Variants in ARL5A observed in about 807,000 individuals in gnomAD.
ARL5A encodes ADP-ribosylation factor-like protein 5A.
ARL5A carries 18 observed loss-of-function variants against 25.9 expected under a neutral mutation model. The observed-to-expected ratio is 0.69, with a 90% CI of 0.48 to 1.03. The LOEUF is 1.03. ARL5A is among the 50% of genes least tolerant of loss of function. The probability of loss-of-function intolerance (pLI) is 0.00; values close to 1 mark genes in which losing one functional copy is unlikely to be tolerated. For synonymous variants in ARL5A, 61 were observed against 67.5 expected (o/e 0.90, Z 0.47); for missense variants, 170 against 211.9 (o/e 0.80, Z 1.23).
intron 4 of ARL5A, chr2:151,810,395 T>C (rs540487046): frequency 4.2e-6 from 1 of 236,454 alleles, no homozygotes; most frequent in East Asian, 1.2e-4. Context: ...CACTCTTTGA[T>C]CCATTTGTCT....
intron 1 of ARL5A, among the ~76,000 whole-genome samples, chr2:151,823,126 T>A (rs1002701159): frequency 1.3e-5 from 2 of 152,230 alleles, no homozygotes; most frequent in Admixed American, 1.3e-4. Flanking sequence ...TAAGCCCTAT[T>A]AATTCTATGT....
At chr2:151,818,319 C>T (rs979385020) in intron 1 of ARL5A, among the ~76,000 whole-genome samples, 8 of 152,070 alleles carry the variant, frequency 5.3e-5, no homozygotes, top group Non-Finnish European at 1.0e-4. Context: ...ACTCTTGCTG[C>T]CCAGGCTGGA....
chr2:151,806,283 T>C (rs368908296), intron 5 of ARL5A, among the ~76,000 whole-genome samples: 41 of 152,150 alleles, frequency 2.7e-4, no homozygotes, highest in African/African-American at 6.3e-4. Flanking sequence ...TGCTACACTC[T>C]CTCCAATTCC....
chr2:151,817,593 A>G (rs554869037), intron 1 of ARL5A, among the ~76,000 whole-genome samples: 2 of 152,308 alleles, frequency 1.3e-5, no homozygotes, highest in South Asian at 2.1e-4. Context: ...AATACAATCC[A>G]TTTTATCCAG....
intron 4 of ARL5A, among the ~76,000 whole-genome samples, chr2:151,808,078 A>T (rs1006414635): frequency 1.3e-5 from 2 of 152,048 alleles, no homozygotes; most frequent in Non-Finnish European, 2.9e-5. Flanking sequence ...TATACACAAA[A>T]TTTTTTTAAG....
intron 4 of ARL5A, 21 bp downstream of exon 4, chr2:151,812,332 TAATG>T: frequency 6.7e-7 from 1 of 1,483,196 alleles, no homozygotes; most frequent in Non-Finnish European, 9.2e-7. Context: ...TCCCCATATC[TAATG>T]TAAAAAGACT....
chr2:151,827,923 T>C (rs921231825), intron 1 of ARL5A: 4 of 574,276 alleles, frequency 7.0e-6, no homozygotes, highest in Non-Finnish European at 1.2e-5. Flanking sequence ...GAAGGTCTCC[T>C]AAGACAAAGG....
chr2:151,818,977 A>C (rs568689008), intron 1 of ARL5A, among the ~76,000 whole-genome samples: 6 of 152,234 alleles, frequency 3.9e-5, no homozygotes, highest in Non-Finnish European at 7.4e-5. Flanking sequence ...CAGAATTTAG[A>C]TGGGCTTCTC....
In ARL5A at chr2:151,815,167, C is replaced by A. The variant is rs1286810408; in HGVS notation, c.79G>T (p.Ala27Ser). Reference sequence around the variant, plus strand: ...TGGTAAAGAATGGTAGTTTTCCCTGCATTATCCAGCCCAACAATGATAACT... The same window carrying A: ...TGGTAAAGAATGGTAGTTTTCCCTGAATTATCCAGCCCAACAATGATAACT... ...HKVIIVGLDN[A>S]GKTTILYQFS... Residue 27 changes from alanine to serine, a missense_variant, in exon 2 of 6, where the codon GCA becomes TCA. Ala to Ser is a moderately conservative substitution (Grantham distance 99). Coordinates refer to ENST00000295087, the MANE Select transcript of ARL5A (RefSeq NM_012097.4). The A allele has an allele frequency of 3.1e-6, 5 of 1,607,416 alleles. No homozygotes were observed. The highest frequency in any genetic ancestry group is 1.3e-5 in the African/African-American group (1 of 74,602).
intron 1 of ARL5A, among the ~76,000 whole-genome samples, chr2:151,820,387 CAG>C (rs1252489010): frequency 6.6e-6 from 1 of 151,796 alleles, no homozygotes; most frequent in Non-Finnish European, 1.5e-5. Flanking sequence ...GGGCCAGGCA[CAG>C]TGGCTCACGC....
intron 4 of ARL5A, among the ~76,000 whole-genome samples, chr2:151,809,586 G>A (rs778208329): frequency 2.0e-5 from 3 of 152,004 alleles, no homozygotes; most frequent in African/African-American, 7.3e-5. Flanking sequence ...GTTCATCAAC[G>A]TGACTTAACA....
intron 3 of ARL5A, among the ~76,000 whole-genome samples, chr2:151,813,322 G>A (rs547143584): frequency 6.6e-6 from 1 of 152,208 alleles, no homozygotes; most frequent in South Asian, 2.1e-4. Context: ...CCTCTCACTT[G>A]ACAGCTTACT....
chr2:151,827,850 G>C (rs2099833296), intron 1 of ARL5A: 1 of 474,834 alleles, frequency 2.1e-6, no homozygotes, highest in Admixed American at 4.3e-5. Context: ...CCTAGGGCAA[G>C]AAACCTTTAC....
chr2:151,814,576 C>T (rs1446714039), intron 2 of ARL5A, among the ~76,000 whole-genome samples: 5 of 151,630 alleles, frequency 3.3e-5, no homozygotes, highest in Admixed American at 6.6e-5. Flanking sequence ...TAATGTTACC[C>T]AGGCCGGAGT....
chr2:151,821,376 G>A (rs1328127070), intron 1 of ARL5A, among the ~76,000 whole-genome samples: 1 of 152,038 alleles, frequency 6.6e-6, no homozygotes, highest in East Asian at 1.9e-4. Flanking sequence ...CAAAAAGGAG[G>A]AAAGAAACTC....
At chr2:151,803,601 G>T (rs2151291041) in intron 5 of ARL5A, among the ~76,000 whole-genome samples, 1 of 152,202 alleles carries the variant, frequency 6.6e-6, no homozygotes, top group East Asian at 1.9e-4. Flanking sequence ...GTGACCTCCT[G>T]GGCTCAAGCG....
intron 1 of ARL5A, among the ~76,000 whole-genome samples, chr2:151,817,877 T>A (rs530755348): frequency 2.6e-5 from 4 of 152,168 alleles, no homozygotes; most frequent in East Asian, 1.9e-4. Flanking sequence ...TGGTGGCACA[T>A]ACCTGCAATC....
chr2:151,820,639 G>A (rs368218902), intron 1 of ARL5A, among the ~76,000 whole-genome samples: 7 of 108,336 alleles, frequency 6.5e-5, no homozygotes, highest in African/African-American at 1.4e-4. Flanking sequence ...CAGCCTGGGC[G>A]ACAGAGTGAG....
rs920126510 is a variant in ARL5A at position 151,799,813 on chromosome 2, A to T, written c.*3463T>A. On this transcript the variant is annotated 3_prime_UTR_variant, in exon 6 of 6. Transcript: ENST00000295087. ...GCTACATAGAAACCACTGGTTTGGA[A>T]ACCATTGTCTATAACAATAGTTACA... is the stretch of plus-strand genomic sequence containing the variant. 2 of 152,202 alleles carry T rather than the reference A, an allele frequency of 1.3e-5. No homozygotes were observed. Among genetic ancestry groups the T allele is most frequent in the Admixed American group, 1.3e-4 (2 of 15,276 alleles). 9.4% of individuals were successfully genotyped at this position (152,202 alleles called of 1,614,324 possible).
Sources: allele counts gnomAD v4.1 joint callset (sites outside exome capture counted in the v4.1 genomes callset), GRCh38; gene constraint gnomAD v4.1.1; transcripts MANE v1.5; gene names NCBI Gene and HGNC (gene_info 2026-07-23, HGNC 2026-07-21).